Variants in CSMD3 observed in about 807,000 individuals in gnomAD.
CSMD3 encodes CUB and Sushi multiple domains 3, also known as CUB and sushi domain-containing protein 3.
Under a neutral mutation model 435.2 loss-of-function variants are expected in CSMD3, and 177 were observed. The ratio of observed to expected loss-of-function variants is 0.41; its 90% CI spans 0.36 to 0.46. CSMD3 has a LOEUF of 0.46. CSMD3 is among the 20% of genes least tolerant of loss of function. CSMD3 has a pLI of 0.34. For missense variants in CSMD3, 4,265 were observed against 4,504.6 expected (o/e 0.95, Z 1.52); for synonymous variants, 1,656 against 1,520.5 (o/e 1.09, Z -2.07).
intron 38 of CSMD3, among the ~76,000 whole-genome samples, chr8:112,372,344 CTTTA>C (rs1172615772): frequency 1.3e-5 from 2 of 151,948 alleles, no homozygotes; most frequent in African/African-American, 4.8e-5. Flanking sequence ...AGAATGTTGC[CTTTA>C]TTTAGTAGAT....
At chr8:112,960,311 T>C (rs1041590823) in intron 7 of CSMD3, among the ~76,000 whole-genome samples, 11 of 151,736 alleles carry the variant, frequency 7.2e-5, no homozygotes, top group South Asian at 2.1e-4. Flanking sequence ...GAAACTATAC[T>C]GCTGCTAGAT....
rs781506163 is a variant in CSMD3, at chr8:112,254,344, A to T, written c.10037-18T>A. ...GGTAGGCTCTAAAATGAAGATTAAA[A>T]AGATATTAGTCCTTTAAAATTTACA... On this transcript the variant is annotated intron_variant, in intron 62 of 70. Transcript: ENST00000297405. 6.4e-7 allele frequency: 1 copy of T among 1,558,646 alleles called. No homozygotes were observed. Among genetic ancestry groups the T allele is most frequent in the East Asian group, 2.2e-5 (1 of 44,532 alleles).
chr8:112,654,160 T>C lies in CSMD3; in HGVS notation c.3004+1994A>G, dbSNP rs113235427. The stretch of plus-strand genomic sequence containing the variant: ...CTTTCAATGAATTTGATTAAAAAAA[T>C]AGAAATACACCAAATGCCAAATATA... On this transcript the variant is annotated intron_variant, in intron 18 of 70. Transcript: ENST00000297405. 3.7e-3 allele frequency among the ~76,000 whole-genome samples: 567 copies of C among 152,282 alleles called. 2 individuals are homozygous for C. The highest frequency in any genetic ancestry group is 0.013 in the African/African-American group (543 of 41,576).
At chr8:112,593,934 T>C (rs1831424116) in intron 22 of CSMD3, among the ~76,000 whole-genome samples, 1 of 152,206 alleles carries the variant, frequency 6.6e-6, no homozygotes, top group South Asian at 2.1e-4. Flanking sequence ...TTTGGTTTTG[T>C]TTTGTTTTTT....
At chr8:113,262,851 C>G (rs942012341) in intron 3 of CSMD3, among the ~76,000 whole-genome samples, 1 of 152,034 alleles carries the variant, frequency 6.6e-6, no homozygotes, top group Admixed American at 6.6e-5. Context: ...TGGACTGAAG[C>G]CTTTTAAGAC....
intron 27 of CSMD3, among the ~76,000 whole-genome samples, chr8:112,534,787 T>C (rs989122653): frequency 6.6e-6 from 1 of 152,012 alleles, no homozygotes; most frequent in Non-Finnish European, 1.5e-5. Context: ...CTCAATAAAA[T>C]ACTGGCAAAC....
At chr8:113,314,188 A>T (rs2093892125) in intron 2 of CSMD3, 1 of 164,030 alleles carries the variant, frequency 6.1e-6, no homozygotes, top group Admixed American at 6.1e-5. Flanking sequence ...GTTTTTGCAT[A>T]GTGTTGTATA....
chr8:113,211,486 T>A (rs538216641), intron 3 of CSMD3, among the ~76,000 whole-genome samples: 1 of 152,166 alleles, frequency 6.6e-6, no homozygotes, highest in Non-Finnish European at 1.5e-5. Context: ...GGTCAAGAGT[T>A]TGAGACCAGC....
At chr8:112,783,424 G>GGGAGGGAGGGAAGGAAGGAA (rs2078446426) in intron 13 of CSMD3, among the ~76,000 whole-genome samples, 2 of 56,930 alleles carry the variant, frequency 3.5e-5, no homozygotes, top group African/African-American at 1.2e-4. Flanking sequence ...GAGGGAGGGA[G>GGGAGGGAGGGAAGGAAGGAA]GGAAGGAAGG....
At chr8:112,342,971 T>TTATATA (rs1159933349) in intron 41 of CSMD3, among the ~76,000 whole-genome samples, 2 of 92,408 alleles carry the variant, frequency 2.2e-5, no homozygotes, top group East Asian at 2.8e-4. Context: ...TTGAAATGTA[T>TTATATA]TATATATATA....
At chr8:112,387,469 G>A (rs1169458393) in intron 36 of CSMD3, among the ~76,000 whole-genome samples, 1 of 140,136 alleles carries the variant, frequency 7.1e-6, no homozygotes, top group Non-Finnish European at 1.6e-5. Context: ...TATATTATGT[G>A]TGTGTGTGTG....
intron 36 of CSMD3, among the ~76,000 whole-genome samples, chr8:112,385,223 T>A (rs1377212102): frequency 6.6e-6 from 1 of 152,194 alleles, no homozygotes; most frequent in Non-Finnish European, 1.5e-5. Context: ...CATGGGCATA[T>A]CATTCAAGGA....
intron 1 of CSMD3, among the ~76,000 whole-genome samples, chr8:113,417,693 T>G (rs550959783): frequency 2.6e-5 from 4 of 152,062 alleles, no homozygotes; most frequent in African/African-American, 9.6e-5. Context: ...GTAAGAGACC[T>G]GAAACAATGC....
intron 9 of CSMD3, among the ~76,000 whole-genome samples, chr8:112,935,054 T>C (rs1467220299): frequency 1.3e-5 from 2 of 152,148 alleles, no homozygotes; most frequent in Non-Finnish European, 2.9e-5. Flanking sequence ...GTTAAATACC[T>C]AAATTTATTT....
chr8:112,537,211 G>A (rs1826198263), intron 27 of CSMD3, among the ~76,000 whole-genome samples: 1 of 151,532 alleles, frequency 6.6e-6, no homozygotes, highest in Non-Finnish European at 1.5e-5. Context: ...AAAAGGAAAT[G>A]TAAACAAAAC....
Position 113,377,212 on chromosome 8 carries a change from G to A in CSMD3, c.178+59465C>T, listed in dbSNP as rs1588628495. ...CCAATGGCCGGAAGTTCGAGCGCGC[G>A]AGAGACCGAAGGGCCAGCCGAGGAT... On this transcript the variant is annotated intron_variant, in intron 1 of 70. Transcript: ENST00000297405. 9.5e-6 allele frequency: 10 copies of A among 1,048,996 alleles called. No individual in the cohort carries two copies. The East Asian group carries it at 4.8e-4, about 51-fold the overall frequency. The allele number at this position is 1,048,996 out of a possible 1,614,324, so 65.0% of individuals were successfully genotyped here.
At chr8:112,700,654 C>T (rs181416837) in intron 13 of CSMD3, among the ~76,000 whole-genome samples, 10 of 152,176 alleles carry the variant, frequency 6.6e-5, no homozygotes, top group Non-Finnish European at 1.3e-4. Flanking sequence ...TCTAATGTTA[C>T]CAGTTGTCTC....
intron 27 of CSMD3, among the ~76,000 whole-genome samples, chr8:112,541,222 C>T (rs377613271): frequency 7.3e-5 from 11 of 151,434 alleles, no homozygotes; most frequent in East Asian, 1.9e-4. Flanking sequence ...TCTCCTTCAA[C>T]GAACTAGAAG....
At chr8:113,418,638 A>G (rs552879842) in intron 1 of CSMD3, among the ~76,000 whole-genome samples, 52 of 152,242 alleles carry the variant, frequency 3.4e-4, no homozygotes, top group Non-Finnish European at 6.0e-4. Flanking sequence ...ATCATAACTT[A>G]TAAATTCTAA....
Sources: allele counts gnomAD v4.1 joint callset (sites outside exome capture counted in the v4.1 genomes callset), GRCh38; gene constraint gnomAD v4.1.1; transcripts MANE v1.5; gene names NCBI Gene and HGNC (gene_info 2026-07-23, HGNC 2026-07-21).